Variants in GPC6 observed in about 807,000 individuals in gnomAD.
The protein encoded by GPC6 is glypican 6, also known as glypican-6.
A neutral mutation model predicts 55.2 loss-of-function variants in GPC6; 14 were observed. The observed-to-expected ratio is 0.25, with a 90% CI of 0.17 to 0.40. The LOEUF (loss-of-function observed/expected upper bound fraction) is 0.40. Among genes scored for constraint, GPC6 ranks in the 10% least tolerant of loss-of-function variants. The probability of loss-of-function intolerance (pLI) is 1.00; values close to 1 mark genes in which losing one functional copy is unlikely to be tolerated. For missense variants in GPC6, 641 were observed against 708.5 expected (o/e 0.90, Z 1.08); for synonymous variants, 278 against 259.6 (o/e 1.07, Z -0.68).
intron 1 of GPC6, among the ~76,000 whole-genome samples, chr13:93,327,467 A>T (rs539347053): frequency 6.6e-6 from 1 of 152,290 alleles, no homozygotes; most frequent in African/African-American, 2.4e-5. Context: ...TTAACAGGAA[A>T]AAAATCAATT....
intron 3 of GPC6, among the ~76,000 whole-genome samples, chr13:94,021,101 T>A (rs759749565): frequency 1.3e-5 from 2 of 152,060 alleles, no homozygotes; most frequent in African/African-American, 2.4e-5. Context: ...AAGCATCAAC[T>A]CTTGCCCAAA....
At chr13:94,340,208 C>T (rs1357834408) in intron 6 of GPC6, among the ~76,000 whole-genome samples, 1 of 152,082 alleles carries the variant, frequency 6.6e-6, no homozygotes, top group Non-Finnish European at 1.5e-5. Context: ...CTGGTAATAG[C>T]AGGACTGGGA....
chr13:93,899,535 A>G (rs948340061), intron 3 of GPC6, among the ~76,000 whole-genome samples: 3 of 152,114 alleles, frequency 2.0e-5, no homozygotes, highest in African/African-American at 4.8e-5. Flanking sequence ...GACATCAGCA[A>G]TATGGTATAT....
rs149160919 is a variant in GPC6, at chr13:94,067,614, G to C, written c.877+39720G>C. ...AGATAGATAGATAGATAGATAGATA[G>C]ATAGATAGACAGACAGACAGACAGA... is the stretch of plus-strand genomic sequence containing the variant. On this transcript the variant is annotated intron_variant, in intron 4 of 8. Coordinates refer to ENST00000377047, the MANE Select transcript of GPC6 (RefSeq NM_005708.5). Among the ~76,000 whole-genome samples the C allele has an allele frequency of 6.3e-4, 95 of 151,832 alleles. No homozygotes were observed. In the East Asian group the frequency reaches 0.018, roughly 28 times the overall value.
intron 1 of GPC6, among the ~76,000 whole-genome samples, chr13:93,256,118 C>T (rs894890133): frequency 4.9e-4 from 71 of 144,944 alleles, no homozygotes; most frequent in Admixed American, 1.7e-3. Context: ...TGTAGTGAGC[C>T]GAGATTACCC....
intron 2 of GPC6, among the ~76,000 whole-genome samples, chr13:93,616,764 C>CA (rs1257090466): frequency 6.6e-6 from 1 of 152,088 alleles, no homozygotes; most frequent in African/African-American, 2.4e-5. Context: ...TTCCCACAAC[C>CA]AATCTGTGAA....
At chr13:93,980,922 A>G (rs1880775398) in intron 3 of GPC6, among the ~76,000 whole-genome samples, 1 of 152,166 alleles carries the variant, frequency 6.6e-6, no homozygotes. Flanking sequence ...TCAATAAATC[A>G]CTTGCACAAG....
chr13:93,251,592 T>A (rs1050822252), intron 1 of GPC6, among the ~76,000 whole-genome samples: 1 of 152,218 alleles, frequency 6.6e-6, no homozygotes, highest in African/African-American at 2.4e-5. Context: ...CCTTGTCTCA[T>A]GCTTGCAAAT....
intron 6 of GPC6, among the ~76,000 whole-genome samples, chr13:94,359,250 GAAGA>G (rs1467778747): frequency 6.6e-6 from 1 of 152,120 alleles, no homozygotes; most frequent in Non-Finnish European, 1.5e-5. Context: ...GAAATAATTT[GAAGA>G]AATAAAATGA....
rs146179186 is a variant in GPC6 at position 93,857,927 on chromosome 13, G to T, written c.711+27382G>T. ...TTTGTGGGCCATAGATAATGGGGAA[G>T]AGGAAAGAACTGAATTGAACCATTA... On this transcript the variant is annotated intron_variant, in intron 3 of 8. Coordinates refer to ENST00000377047, the MANE Select transcript of GPC6 (RefSeq NM_005708.5). 4.6e-5 allele frequency among the ~76,000 whole-genome samples: 7 copies of T among 151,638 alleles called. No individual in the cohort carries two copies. In the East Asian group the frequency reaches 1.4e-3, roughly 30 times the overall value.
intron 3 of GPC6, among the ~76,000 whole-genome samples, chr13:93,977,718 G>A (rs553645960): frequency 6.6e-6 from 1 of 152,190 alleles, no homozygotes; most frequent in African/African-American, 2.4e-5. Context: ...TTCTGCTTCA[G>A]CCTGACTTTC....
upstream of GPC6, among the ~76,000 whole-genome samples, chr13:93,222,292 T>A (rs954664250): frequency 6.6e-6 from 1 of 152,104 alleles, no homozygotes; most frequent in Non-Finnish European, 1.5e-5. Context: ...AGAAAAAAAA[T>A]TTAAAATCAA....
At chr13:93,645,060 GA>G (rs1314779434) in intron 2 of GPC6, among the ~76,000 whole-genome samples, 1 of 152,084 alleles carries the variant, frequency 6.6e-6, no homozygotes, top group Non-Finnish European at 1.5e-5. Flanking sequence ...TCAGAGGGAG[GA>G]GTGGAGAAAG....
intron 1 of GPC6, among the ~76,000 whole-genome samples, chr13:93,242,471 G>A: frequency 6.6e-6 from 1 of 152,112 alleles, no homozygotes; most frequent in South Asian, 2.1e-4. Context: ...CATCCTGTGG[G>A]GACACAGTCA....
intron 2 of GPC6, among the ~76,000 whole-genome samples, chr13:93,825,835 CTTTTATT>C: frequency 7.1e-6 from 1 of 140,122 alleles, no homozygotes. Context: ...CAGCTTTCAT[CTTTTATT>C]TTTTATTTTA....
intron 1 of GPC6, among the ~76,000 whole-genome samples, chr13:93,535,627 C>T (rs1424168353): frequency 6.0e-5 from 9 of 150,896 alleles, no homozygotes; most frequent in Non-Finnish European, 1.3e-4. Flanking sequence ...GCTCACAGCT[C>T]CCAGAAAAAT....
chr13:93,329,253 C>G (rs992770247), intron 1 of GPC6, among the ~76,000 whole-genome samples: 4 of 152,104 alleles, frequency 2.6e-5, no homozygotes, highest in Non-Finnish European at 4.4e-5. Context: ...TTCTTTCTTT[C>G]CCTTCTGATT....
At chr13:94,202,844 A>G (rs1889795488) in intron 4 of GPC6, among the ~76,000 whole-genome samples, 1 of 152,064 alleles carries the variant, frequency 6.6e-6, no homozygotes, top group African/African-American at 2.4e-5. Flanking sequence ...GGAGCCTGGT[A>G]AGGCCAAAAG....
At chr13:93,341,893 C>A (rs1407843105) in intron 1 of GPC6, among the ~76,000 whole-genome samples, 1 of 150,328 alleles carries the variant, frequency 6.7e-6, no homozygotes, top group Non-Finnish European at 1.5e-5. Flanking sequence ...AGTCATTGAT[C>A]CATCTTGAGT....
Sources: gnomAD v4.1 joint callset for allele counts (sites outside exome capture counted in the v4.1 genomes callset) on GRCh38, gnomAD v4.1.1 for gene constraint, MANE v1.5 for transcripts, NCBI Gene and HGNC (gene_info 2026-07-23, HGNC 2026-07-21) for gene names.